Variants in LATS2 observed in about 807,000 individuals in gnomAD.
LATS2 encodes the protein serine/threonine-protein kinase LATS2.
In LATS2, 24 loss-of-function variants were observed where a neutral mutation model predicts 76.0. The ratio of observed to expected loss-of-function variants is 0.32; its 90% CI spans 0.23 to 0.44. The LOEUF (loss-of-function observed/expected upper bound fraction) is 0.44. LATS2 is among the 20% of genes least tolerant of loss of function. The pLI is 1.00. For missense variants in LATS2, 1,286 were observed against 1,481.2 expected (o/e 0.87, Z 2.16); for synonymous variants, 692 against 635.4 (o/e 1.09, Z -1.34).
At chr13:21,024,306 A>G (rs1245595073) in intron 2 of LATS2, among the ~76,000 whole-genome samples, 2 of 151,710 alleles carry the variant, frequency 1.3e-5, no homozygotes, top group African/African-American at 4.8e-5. Flanking sequence ...GTGGTAGCAC[A>G]TGCCTGGTAA....
chr13:21,041,513 T>A (rs760217856), intron 2 of LATS2, among the ~76,000 whole-genome samples: 4 of 152,178 alleles, frequency 2.6e-5, no homozygotes, highest in Non-Finnish European at 4.4e-5. Flanking sequence ...AGAACTGGAT[T>A]AATCAGGATT....
chr13:20,978,784 CAG>C (rs1305328039), intron 7 of LATS2, among the ~76,000 whole-genome samples: 2 of 152,058 alleles, frequency 1.3e-5, no homozygotes, highest in African/African-American at 4.8e-5. Context: ...TTTCTTTAGA[CAG>C]AGTCTCACTC....
At chr13:21,051,001 G>A (rs894787964) in intron 1 of LATS2, among the ~76,000 whole-genome samples, 3 of 152,230 alleles carry the variant, frequency 2.0e-5, no homozygotes, top group African/African-American at 7.2e-5. Flanking sequence ...CTGAGGCATA[G>A]GAGAGAAAGA....
intron 4 of LATS2, among the ~76,000 whole-genome samples, chr13:20,987,464 CTAGA>C (rs1459324120): frequency 6.6e-6 from 1 of 152,220 alleles, no homozygotes; most frequent in Non-Finnish European, 1.5e-5. Context: ...GGAATCACTA[CTAGA>C]TACATTTTTC....
chr13:21,031,041 C>G (rs1176304826), intron 2 of LATS2, among the ~76,000 whole-genome samples: 1 of 152,124 alleles, frequency 6.6e-6, no homozygotes, highest in Non-Finnish European at 1.5e-5. Context: ...TCAATATATG[C>G]AGCATTTATA....
chr13:21,007,531 GATATATATATATAGTAT>G (rs1262251895), intron 2 of LATS2, among the ~76,000 whole-genome samples: 27 of 15,486 alleles, frequency 1.7e-3, no homozygotes, highest in African/African-American at 0.01. Context: ...GTAGGGGATG[GATATATATATATAGTAT>G]ATATATATAT....
chr13:20,981,727 T>A, intron 5 of LATS2, 79 bp from the exon 6 acceptor site: 1 of 1,239,570 alleles, frequency 8.1e-7, no homozygotes. Context: ...ACTCAACAGA[T>A]CCACAGCTTA....
In LATS2 at chr13:20,993,035, CAAAAAAAA is replaced by C. The variant is rs551359225; in HGVS notation, c.343-1639_343-1632del. Reference sequence around the variant, plus strand: ...TGGCGACAAAGTGTGACTCCATCTCCAAAAAAAAAAAAAAAAAAAAAAAAAATGGGGGG... The same window carrying C: ...TGGCGACAAAGTGTGACTCCATCTCCAAAAAAAAAAAAAAAAAATGGGGGG... On this transcript the variant is annotated intron_variant, in intron 2 of 7. Transcript: ENST00000382592. Among the ~76,000 whole-genome samples the C allele has an allele frequency of 8.5e-3, 760 of 88,952 alleles. 10 individuals are homozygous for C. Among genetic ancestry groups the C allele is most frequent in the Non-Finnish European group, 0.011 (528 of 49,220 alleles). 58.4% of individuals were successfully genotyped at this position (88,952 alleles called of 152,430 possible).
At chr13:21,042,751 G>A (rs1872923898) in intron 2 of LATS2, among the ~76,000 whole-genome samples, 1 of 152,008 alleles carries the variant, frequency 6.6e-6, no homozygotes, top group African/African-American at 2.4e-5. Context: ...CACTTTGGGA[G>A]GCCTAAGAGG....
In LATS2 at chr13:21,013,791, C is replaced by T. The variant is rs142619969; in HGVS notation, c.343-22387G>A. 6.4e-3 allele frequency among the ~76,000 whole-genome samples: 975 copies of T among 152,198 alleles called. 14 individuals carry two copies. Among genetic ancestry groups the T allele is most frequent in the African/African-American group, 0.022 (923 of 41,526 alleles). ...GGCCATCCTGGGCAACACAGCAAGA[C>T]CCCGTCTCTACAAAACAATTTAAAA... On this transcript the variant is annotated intron_variant, in intron 2 of 7. Coordinates refer to ENST00000382592, the MANE Select transcript of LATS2 (RefSeq NM_014572.3).
chr13:21,050,147 G>GATAGATAGATAGATACATAC (rs71200328), intron 1 of LATS2, among the ~76,000 whole-genome samples: 10 of 53,860 alleles, frequency 1.9e-4, no homozygotes, highest in South Asian at 1.3e-3. Context: ...TAGATAGATA[G>GATAGATAGATAGATACATAC]ATACATACAT....
intron 2 of LATS2, among the ~76,000 whole-genome samples, chr13:20,999,553 G>A (rs1870947499): frequency 6.6e-6 from 1 of 151,860 alleles, no homozygotes; most frequent in African/African-American, 2.4e-5. Context: ...ATTGCAGCCT[G>A]GCACTGCCCG....
chr13:21,058,153 A>G (rs1248549800), intron 1 of LATS2, among the ~76,000 whole-genome samples: 4 of 152,396 alleles, frequency 2.6e-5, no homozygotes, highest in Non-Finnish European at 5.9e-5. Context: ...ATATTTCGGT[A>G]CTTTTTAGAA....
chr13:20,975,478 TTAGAA>T (rs1869573089), intron 7 of LATS2, 114 bp from the exon 8 acceptor site: 1 of 1,120,266 alleles, frequency 8.9e-7, no homozygotes, highest in East Asian at 2.5e-5. Context: ...AGGAGAGGAG[TTAGAA>T]TAGACACAAG....
At chr13:21,021,474 CAAAAAA>C (rs58976562) in intron 2 of LATS2, among the ~76,000 whole-genome samples, 12 of 48,366 alleles carry the variant, frequency 2.5e-4, no homozygotes, top group African/African-American at 5.5e-4. Flanking sequence ...GACTCTGTCT[CAAAAAA>C]AAAAAAAAAA....
intron 2 of LATS2, among the ~76,000 whole-genome samples, chr13:20,998,597 C>T (rs1241910258): frequency 1.3e-5 from 2 of 152,206 alleles, no homozygotes; most frequent in African/African-American, 4.8e-5. Flanking sequence ...GGTGTTCCAA[C>T]CCCACCCCCA....
At chr13:21,016,355 C>A (rs1302180301) in intron 2 of LATS2, among the ~76,000 whole-genome samples, 2 of 152,024 alleles carry the variant, frequency 1.3e-5, no homozygotes, top group South Asian at 4.2e-4. Context: ...GTGATCTCGG[C>A]TCACTGCAAC....
rs375787806 is a variant in LATS2, at chr13:20,988,187, G to T, written c.1593C>A (p.Tyr531Ter). Reference protein sequence around the residue: ...HLLLRSKSEQYDLDSLCAGME... With the variant: ...HLLLRSKSEQ ...TGCCTGCGCACAGGCTGTCCAGGTCGTACTGCTCCGACTTGCTGCGCAGCA... is the reference window on the plus strand; with the variant it reads ...TGCCTGCGCACAGGCTGTCCAGGTCTTACTGCTCCGACTTGCTGCGCAGCA... The change falls in exon 4 of 8, where the codon TAC becomes TAA. Residue 531 changes from tyrosine to a stop codon, truncating the protein, a stop_gained. Coordinates refer to ENST00000382592, the MANE Select transcript of LATS2 (RefSeq NM_014572.3). LOFTEE classifies it high-confidence loss of function. 1 of 1,613,040 alleles carries T rather than the reference G, an allele frequency of 6.2e-7. No individual in the cohort carries two copies. Among genetic ancestry groups the T allele is most frequent in the Admixed American group, 1.7e-5 (1 of 59,968 alleles).
intron 2 of LATS2, among the ~76,000 whole-genome samples, chr13:21,024,703 A>T (rs1400683789): frequency 6.6e-6 from 1 of 152,120 alleles, no homozygotes; most frequent in African/African-American, 2.4e-5. Flanking sequence ...AAAAAAAAAA[A>T]AAGTACTGAT....
Sources: gnomAD v4.1 joint callset for allele counts (sites outside exome capture counted in the v4.1 genomes callset) on GRCh38, gnomAD v4.1.1 for gene constraint, MANE v1.5 for transcripts, NCBI Gene and HGNC (gene_info 2026-07-23, HGNC 2026-07-21) for gene names.